Variants in PCDH15 observed in about 807,000 individuals in gnomAD.
PCDH15 encodes protocadherin-15.
Under a neutral mutation model 178.5 loss-of-function variants are expected in PCDH15, and 129 were observed. That is an observed-to-expected ratio of 0.72 (90% CI 0.63 to 0.84). The LOEUF (loss-of-function observed/expected upper bound fraction) is 0.84, where lower values mean the gene tolerates loss of function less well. Ranked by LOEUF, PCDH15 falls within the 40% of genes least tolerant of loss-of-function variation. The probability of loss-of-function intolerance (pLI) is 0.00; values close to 1 mark genes in which losing one functional copy is unlikely to be tolerated. For missense variants in PCDH15, 2,230 were observed against 2,099.9 expected (o/e 1.06, Z -1.21); for synonymous variants, 800 against 732.0 (o/e 1.09, Z -1.50).
At chr10:54,603,253 T>G (rs1018984010) in intron 2 of PCDH15, among the ~76,000 whole-genome samples, 1 of 151,972 alleles carries the variant, frequency 6.6e-6, no homozygotes, top group African/African-American at 2.4e-5. Context: ...ACAGTTTTAT[T>G]TATTTCAGTC....
chr10:54,401,090 C>T (rs1951877092), intron 3 of PCDH15, among the ~76,000 whole-genome samples: 1 of 151,826 alleles, frequency 6.6e-6, no homozygotes, highest in Non-Finnish European at 1.5e-5. Flanking sequence ...TTGTGAAAAA[C>T]AGAAAGAAAA....
At chr10:55,334,242 ATGTGTGTGTGTGTGTG>A (rs1208145029) in intron 2 of PCDH15, among the ~76,000 whole-genome samples, 3 of 72,144 alleles carry the variant, frequency 4.2e-5, no homozygotes, top group African/African-American at 1.9e-4. Flanking sequence ...ATATATATAT[ATGTGTGTGTGTGTGTG>A]TGTGTGTGTG....
At chr10:55,210,760 C>A (rs968080448) in intron 1 of PCDH15, among the ~76,000 whole-genome samples, 1 of 149,470 alleles carries the variant, frequency 6.7e-6, no homozygotes, top group African/African-American at 2.5e-5. Context: ...TCCCTAGTAG[C>A]TGGGACTACA....
chr10:53,985,925 G>A (rs1033222475), intron 21 of PCDH15, among the ~76,000 whole-genome samples: 2 of 152,174 alleles, frequency 1.3e-5, no homozygotes, highest in Admixed American at 1.3e-4. Context: ...TATTTACTAT[G>A]TAGTAGGCAC....
intron 1 of PCDH15, among the ~76,000 whole-genome samples, chr10:55,208,039 A>G (rs1840454428): frequency 6.6e-6 from 1 of 152,160 alleles, no homozygotes; most frequent in Admixed American, 6.6e-5. Context: ...ATTTATTGTA[A>G]TGAATGAATA....
At chr10:55,442,434 A>G (rs1360746) in intron 2 of PCDH15, among the ~76,000 whole-genome samples, 11,414 of 136,938 alleles carry the variant, frequency 0.083, 641 homozygotes, top group Admixed American at 0.15. Flanking sequence ...TAAAATAGAA[A>G]TAGATGTTTT....
chr10:55,122,375 G>T (rs1288660572), intron 2 of PCDH15, among the ~76,000 whole-genome samples: 1 of 152,174 alleles, frequency 6.6e-6, no homozygotes, highest in African/African-American at 2.4e-5. Flanking sequence ...ACTTTAAGTT[G>T]TGTAAGGATA....
intron 4 of PCDH15, among the ~76,000 whole-genome samples, chr10:54,371,557 G>C (rs966489611): frequency 5.9e-5 from 9 of 151,706 alleles, no homozygotes; most frequent in African/African-American, 2.2e-4. Flanking sequence ...GCAGAAATAA[G>C]AAAAATAGTT....
chr10:54,315,395 G>A (rs1045291981), intron 8 of PCDH15, among the ~76,000 whole-genome samples: 3 of 151,770 alleles, frequency 2.0e-5, no homozygotes, highest in Non-Finnish European at 4.4e-5. Flanking sequence ...TTTAATTCTT[G>A]TAATTTTAAA....
intron 2 of PCDH15, among the ~76,000 whole-genome samples, chr10:55,608,925 G>C (rs536462743): frequency 6.6e-6 from 1 of 151,628 alleles, no homozygotes; most frequent in Non-Finnish European, 1.5e-5. Context: ...TAAAACAAAT[G>C]TAAGTTTCAA....
intron 1 of PCDH15, among the ~76,000 whole-genome samples, chr10:54,785,859 T>C (rs906656296): frequency 6.6e-6 from 1 of 151,990 alleles, no homozygotes; most frequent in African/African-American, 2.4e-5. Flanking sequence ...CATCTAGAGA[T>C]GGAGCACCTC....
chr10:54,167,564 C>T (rs1279954698), intron 13 of PCDH15, among the ~76,000 whole-genome samples: 3 of 152,026 alleles, frequency 2.0e-5, no homozygotes, highest in African/African-American at 7.2e-5. Context: ...TCACCCTTAG[C>T]GGCAAGTCCT....
chr10:55,593,103 T>G (rs113804972), intron 2 of PCDH15, among the ~76,000 whole-genome samples: 4 of 151,952 alleles, frequency 2.6e-5, no homozygotes, highest in African/African-American at 9.7e-5. Flanking sequence ...TTATAATTGC[T>G]AGTTATGGAA....
chr10:55,410,670 T>C (rs975520737), intron 2 of PCDH15, among the ~76,000 whole-genome samples: 2 of 152,094 alleles, frequency 1.3e-5, no homozygotes, highest in African/African-American at 4.8e-5. Context: ...TGCCAAACAA[T>C]GGCTGGATCA....
intron 2 of PCDH15, among the ~76,000 whole-genome samples, chr10:55,028,865 A>G (rs1391649307): frequency 1.3e-5 from 2 of 152,042 alleles, no homozygotes; most frequent in Non-Finnish European, 2.9e-5. Context: ...ACTTTCATAT[A>G]TCATATTTGA....
chr10:54,140,947 G>T (rs1472054418), intron 14 of PCDH15, among the ~76,000 whole-genome samples: 1 of 152,068 alleles, frequency 6.6e-6, no homozygotes, highest in African/African-American at 2.4e-5. Context: ...CTCCCCAACT[G>T]TTGGGATTAC....
chr10:53,823,987 CTTAA>C (rs1388612289), intron 32 of PCDH15, among the ~76,000 whole-genome samples: 2 of 152,076 alleles, frequency 1.3e-5, no homozygotes, highest in South Asian at 4.1e-4. Flanking sequence ...AAATTTTGTG[CTTAA>C]TTAGTTTTAA....
intron 2 of PCDH15, among the ~76,000 whole-genome samples, chr10:55,132,290 T>C (rs1838072258): frequency 1.3e-5 from 2 of 152,224 alleles, no homozygotes; most frequent in East Asian, 1.9e-4. Flanking sequence ...AACAGAATTA[T>C]TGCACTGAAA....
At chr10:55,586,841 C>T (rs894164733) in intron 2 of PCDH15, among the ~76,000 whole-genome samples, 2 of 152,052 alleles carry the variant, frequency 1.3e-5, no homozygotes, top group African/African-American at 4.8e-5. Flanking sequence ...TAATTATCTG[C>T]TCTCCTTCTA....
Sources: gnomAD v4.1 joint callset for allele counts (sites outside exome capture counted in the v4.1 genomes callset) on GRCh38, gnomAD v4.1.1 for gene constraint, MANE v1.5 for transcripts, NCBI Gene and HGNC (gene_info 2026-07-23, HGNC 2026-07-21) for gene names.